Variants in GAS5 observed in about 807,000 individuals in gnomAD.
GAS5 encodes the protein growth arrest specific 5 (non-protein coding).
At chr1:173,864,807 A>G in intron 6 of GAS5, 1 of 518,968 alleles carries the variant, frequency 1.9e-6, no homozygotes, top group Non-Finnish European at 3.8e-6. Flanking sequence ...TTTTCGGGGC[A>G]TAAACTAGAA....
At chr1:173,866,808 A>G (rs758084813) in intron 1 of GAS5, 1 of 765,262 alleles carries the variant, frequency 1.3e-6, no homozygotes, top group East Asian at 2.4e-5. Context: ...TAGAAAACAA[A>G]AAGATGCAAG....
chr1:173,866,456 T>C (rs763184214), intron 3 of GAS5: 55 of 626,294 alleles, frequency 8.8e-5, no homozygotes, highest in African/African-American at 4.2e-4. Flanking sequence ...AGCACTAACA[T>C]AGATAATCAT....
At chr1:173,867,907 G>T, upstream of GAS5, 1 of 383,680 alleles carries the variant, frequency 2.6e-6, no homozygotes, top group Non-Finnish European at 5.3e-6. Flanking sequence ...GACCTTAGCA[G>T]ACAAAGGCTG....
upstream of GAS5, among the ~76,000 whole-genome samples, chr1:173,868,556 AC>A (rs1448462713): frequency 2.0e-5 from 3 of 149,628 alleles, no homozygotes; most frequent in Admixed American, 6.6e-5. Context: ...GCGACCTTCC[AC>A]CCCCTTGGCC....
intron 5 of GAS5, chr1:173,865,694 G>C (rs778136322): frequency 3.9e-6 from 2 of 519,048 alleles, no homozygotes; most frequent in Admixed American, 3.9e-5. Context: ...CACAAACCCC[G>C]TTCCAAACAT....
intron 6 of GAS5, chr1:173,864,398 C>G (rs1269419825): frequency 3.9e-6 from 2 of 518,972 alleles, no homozygotes; most frequent in African/African-American, 3.8e-5. Context: ...AACGGTTTTA[C>G]AGTGATATCA....
chr1:173,865,558 A>C (rs1654455496), intron 5 of GAS5: 1 of 517,944 alleles, frequency 1.9e-6, no homozygotes, highest in African/African-American at 1.9e-5. Flanking sequence ...CTGGAATACA[A>C]ATGAGGACTT....
At chr1:173,865,194 TAAA>T (rs528813679) in intron 6 of GAS5, 381 of 294,652 alleles carry the variant, frequency 1.3e-3, no homozygotes, top group South Asian at 1.9e-3. Context: ...GACTCTTGTC[TAAA>T]AAAAAAAAAA....
chr1:173,866,877 A>G (rs1333649510), intron 1 of GAS5: 2 of 765,522 alleles, frequency 2.6e-6, no homozygotes, highest in East Asian at 4.8e-5. Context: ...TGTTAACATT[A>G]AAGCCTCAGA....
intron 1 of GAS5, chr1:173,866,889 T>C (rs752927344): frequency 1.7e-5 from 13 of 765,350 alleles, no homozygotes; most frequent in African/African-American, 1.0e-4. Flanking sequence ...AGCCTCAGAA[T>C]AGAATTTCAG....
At chr1:173,869,013 G>A (rs1655289980), upstream of GAS5, 1 of 152,672 alleles carries the variant, frequency 6.5e-6, no homozygotes, top group South Asian at 2.1e-4. Context: ...AAACAAAAAA[G>A]GCGCTGGTGT....
upstream of GAS5, chr1:173,867,233 T>C (rs2102693316): frequency 7.5e-6 from 4 of 531,978 alleles, 1 homozygote; most frequent in Non-Finnish European, 1.3e-5. Flanking sequence ...GAACCACCGA[T>C]GGCGGCCGGG....
Position 173,865,752 on chromosome 1 carries a change from TAC to T in GAS5, n.199+103_199+104del, listed in dbSNP as rs1185372973. 15 of 518,850 alleles carry T rather than the reference TAC, an allele frequency of 2.9e-5. No homozygotes were observed. In the East Asian group the frequency reaches 3.8e-4, roughly 13 times the overall value. The allele number at this position is 518,850 out of a possible 1,614,324, so 32.1% of individuals were successfully genotyped here. On this transcript the variant is annotated intron_variant and non_coding_transcript_variant, in intron 5 of 7. Coordinates refer to ENST00000651080, the Ensembl canonical transcript of GAS5. The stretch of plus-strand genomic sequence containing the variant: ...CTGTTCCAGACATGCTCAAGGAAAA[TAC>T]AGTCAGTATTCATCAGCCAAGCCTT...
intron 5 of GAS5, chr1:173,865,580 C>G (rs1459426496): frequency 1.9e-6 from 1 of 518,840 alleles, no homozygotes; most frequent in East Asian, 5.4e-5. Flanking sequence ...CATTAAAATG[C>G]TAAACATCAT....
intron 6 of GAS5, chr1:173,864,858 T>C: frequency 3.9e-6 from 2 of 519,216 alleles, no homozygotes; most frequent in South Asian, 2.8e-5. Flanking sequence ...AAAGACTTAA[T>C]ATTGCTCATC....
At chr1:173,864,933 T>C in intron 6 of GAS5, 1 of 515,874 alleles carries the variant, frequency 1.9e-6, no homozygotes, top group Non-Finnish European at 3.9e-6. Context: ...AAAACCAGAC[T>C]TGAGGCGGGG....
intron 3 of GAS5, chr1:173,866,235 A>G: frequency 2.1e-6 from 1 of 486,948 alleles, no homozygotes; most frequent in South Asian, 1.5e-5. Context: ...ATTGTCAGCA[A>G]AAAATATTTT....
intron 2 of GAS5, chr1:173,866,678 C>T (rs755386785): frequency 1.3e-6 from 1 of 764,948 alleles, no homozygotes; most frequent in Non-Finnish European, 2.4e-6. Context: ...ATCATTCTAG[C>T]ACTCAAGAGT....
At chr1:173,864,403 A>C (rs759114991) in intron 6 of GAS5, 1 of 519,120 alleles carries the variant, frequency 1.9e-6, no homozygotes, top group Admixed American at 1.9e-5. Flanking sequence ...TTTTACAGTG[A>C]TATCATTATA....
Sources: gnomAD v4.1 joint callset for allele counts (sites outside exome capture counted in the v4.1 genomes callset) on GRCh38, gnomAD v4.1.1 for gene constraint, MANE v1.5 for transcripts, NCBI Gene and HGNC (gene_info 2026-07-23, HGNC 2026-07-21) for gene names.